EGFR: variants seen among roughly 807,000 people sequenced by gnomAD.
The protein encoded by EGFR is avian erythroblastic leukemia viral (v-erb-b) oncogene homolog.
EGFR carries 58 observed loss-of-function variants against 143.0 expected under a neutral mutation model. That is an observed-to-expected ratio of 0.41 (90% CI 0.33 to 0.50). EGFR has a LOEUF of 0.50. Among genes scored for constraint, EGFR ranks in the 20% least tolerant of loss-of-function variants. The pLI is 0.39. For synonymous variants in EGFR, 613 were observed against 594.4 expected (o/e 1.03, Z -0.45); for missense variants, 1,307 against 1,579.0 (o/e 0.83, Z 2.92).
At chr7:55,109,595 C>G (rs1028743018) in intron 1 of EGFR, 3 of 321,488 alleles carry the variant, frequency 9.3e-6, no homozygotes, top group Non-Finnish European at 1.3e-5. Context: ...AAGCCTTCCT[C>G]GCTTTCCCAT....
At chr7:55,091,879 CACACACA>C (rs752358132) in intron 1 of EGFR, among the ~76,000 whole-genome samples, 1 of 151,562 alleles carries the variant, frequency 6.6e-6, no homozygotes, top group Non-Finnish European at 1.5e-5. Flanking sequence ...CACACACACA[CACACACA>C]CACACCCTGA....
chr7:55,172,712 A>C, intron 16 of EGFR: 1 of 719,226 alleles, frequency 1.4e-6, no homozygotes, highest in Non-Finnish European at 2.3e-6. Flanking sequence ...AAATTGAAAA[A>C]TACTCATTAT....
At chr7:55,169,775 T>C (rs1786254389) in intron 15 of EGFR, among the ~76,000 whole-genome samples, 1 of 152,034 alleles carries the variant, frequency 6.6e-6, no homozygotes, top group Non-Finnish European at 1.5e-5. Flanking sequence ...GTCCAGCTTC[T>C]CTTCAAGGGT....
intron 1 of EGFR, among the ~76,000 whole-genome samples, chr7:55,093,936 T>C (rs1249623053): frequency 6.6e-6 from 1 of 152,224 alleles, no homozygotes; most frequent in African/African-American, 2.4e-5. Context: ...CACTATGAAA[T>C]TGGCCTCGTA....
intron 1 of EGFR, among the ~76,000 whole-genome samples, chr7:55,064,183 A>G (rs1329656430): frequency 6.6e-6 from 1 of 152,250 alleles, no homozygotes; most frequent in Non-Finnish European, 1.5e-5. Flanking sequence ...ATGCAAAGTT[A>G]TAGATTAATG....
At chr7:55,159,752 G>A (rs1321612758) in intron 11 of EGFR, among the ~76,000 whole-genome samples, 1 of 152,198 alleles carries the variant, frequency 6.6e-6, no homozygotes, top group African/African-American at 2.4e-5. Flanking sequence ...ATATATGAAT[G>A]GATAGAGGGA....
At chr7:55,065,615 A>C (rs1789447510) in intron 1 of EGFR, among the ~76,000 whole-genome samples, 1 of 152,258 alleles carries the variant, frequency 6.6e-6, no homozygotes, top group Non-Finnish European at 1.5e-5. Flanking sequence ...ATCATGACAC[A>C]GTGAATCATG....
chr7:55,036,268 GTGT>G (rs1562656978), intron 1 of EGFR, among the ~76,000 whole-genome samples: 5 of 40,056 alleles, frequency 1.2e-4, no homozygotes, highest in Non-Finnish European at 2.6e-4. Flanking sequence ...GTTTGTGTGT[GTGT>G]GGGGGGGGGG....
chr7:55,082,100 C>T (rs1216043676), intron 1 of EGFR, among the ~76,000 whole-genome samples: 3 of 152,174 alleles, frequency 2.0e-5, no homozygotes, highest in African/African-American at 7.2e-5. Context: ...CAATCTAGGG[C>T]CTTCCTCTCA....
intron 1 of EGFR, among the ~76,000 whole-genome samples, chr7:55,047,748 T>C (rs375759118): frequency 1.5e-4 from 23 of 152,104 alleles, no homozygotes; most frequent in African/African-American, 5.3e-4. Context: ...TGAAACTCCA[T>C]CTCGAAAACA....
At chr7:55,194,477 C>T (rs1031416200) in intron 22 of EGFR, among the ~76,000 whole-genome samples, 1 of 152,128 alleles carries the variant, frequency 6.6e-6, no homozygotes, top group South Asian at 2.1e-4. Flanking sequence ...CTGCCCGCCT[C>T]GGCCTCCCAA....
Position 55,084,199 on chromosome 7 carries a change from C to T in EGFR, c.89-58087C>T, listed in dbSNP as rs117470635. On this transcript the variant is annotated intron_variant, in intron 1 of 27. Coordinates refer to ENST00000275493, the MANE Select transcript of EGFR (RefSeq NM_005228.5). ...TTCTGTGGGTCAGGGTCTGGGTTCT[C>T]AGGGACTCACAAAGTATGTTTTCAT... is the stretch of plus-strand genomic sequence containing the variant. 3.1e-3 allele frequency among the ~76,000 whole-genome samples: 475 copies of T among 152,326 alleles called. 1 individual carries two copies. Among genetic ancestry groups the T allele is most frequent in the Non-Finnish European group, 4.8e-3 (324 of 68,030 alleles).
At chr7:55,171,413 C>T (rs1040379271) in intron 16 of EGFR, among the ~76,000 whole-genome samples, 200 bp downstream of exon 16, 1 of 152,238 alleles carries the variant, frequency 6.6e-6, no homozygotes, top group African/African-American at 2.4e-5. Flanking sequence ...ACTTTGTCCT[C>T]AGTGGAGGGA....
At chr7:55,040,429 G>C (rs750464724) in intron 1 of EGFR, among the ~76,000 whole-genome samples, 1 of 152,160 alleles carries the variant, frequency 6.6e-6, no homozygotes, top group African/African-American at 2.4e-5. Flanking sequence ...GATATAACTG[G>C]AAAATTCTTT....
intron 19 of EGFR, 62 bp downstream of exon 19, chr7:55,174,882 A>G (rs2128955038): frequency 1.5e-6 from 2 of 1,324,128 alleles, no homozygotes; most frequent in South Asian, 1.2e-5. Flanking sequence ...ACCTTTTCTC[A>G]TGTCTGGCAG....
chr7:55,083,258 G>A (rs1172963768), intron 1 of EGFR, among the ~76,000 whole-genome samples: 1 of 152,206 alleles, frequency 6.6e-6, no homozygotes, highest in African/African-American at 2.4e-5. Flanking sequence ...CATTAACCAT[G>A]GCAATGTCAC....
At chr7:55,106,308 G>A (rs576918156) in intron 1 of EGFR, among the ~76,000 whole-genome samples, 6 of 152,290 alleles carry the variant, frequency 3.9e-5, no homozygotes, top group South Asian at 2.1e-4. Context: ...AGGGCCCCTC[G>A]CCCTAACTCA....
chr7:55,178,948 G>A (rs1258953541), intron 19 of EGFR, among the ~76,000 whole-genome samples: 3 of 152,176 alleles, frequency 2.0e-5, no homozygotes, highest in Admixed American at 6.5e-5. Context: ...TTTTGAAGTA[G>A]GTATGTGCCT....
intron 22 of EGFR, among the ~76,000 whole-genome samples, chr7:55,193,404 CCA>C (rs1193891083): frequency 6.6e-6 from 1 of 152,126 alleles, no homozygotes; most frequent in Non-Finnish European, 1.5e-5. Context: ...CTTCTGAATC[CCA>C]GTGTTGCCCA....
Sources: gnomAD v4.1 joint callset for allele counts (sites outside exome capture counted in the v4.1 genomes callset) on GRCh38, gnomAD v4.1.1 for gene constraint, MANE v1.5 for transcripts, NCBI Gene and HGNC (gene_info 2026-07-23, HGNC 2026-07-21) for gene names.